The following WDR70 variants were observed in gnomAD, a reference collection of about 807,000 sequenced individuals.
WDR70 encodes the protein WD repeat-containing protein 70.
In WDR70, 53 loss-of-function variants were observed where a neutral mutation model predicts 88.6. That is an observed-to-expected ratio of 0.60 (90% CI 0.48 to 0.75). WDR70 has a LOEUF of 0.75. WDR70 is among the 30% of genes least tolerant of loss of function. WDR70 has a pLI of 0.00. For missense variants in WDR70, 610 were observed against 823.2 expected (o/e 0.74, Z 3.17); for synonymous variants, 280 against 270.0 (o/e 1.04, Z -0.36).
At chr5:37,680,081 T>A (rs796197008) in intron 10 of WDR70, among the ~76,000 whole-genome samples, 7 of 152,332 alleles carry the variant, frequency 4.6e-5, no homozygotes, top group African/African-American at 1.7e-4. Context: ...TTTTTAATTA[T>A]AGCCATTCTG....
intron 13 of WDR70, among the ~76,000 whole-genome samples, chr5:37,703,298 A>G (rs548585215): frequency 6.6e-6 from 1 of 152,270 alleles, no homozygotes; most frequent in South Asian, 2.1e-4. Flanking sequence ...ATGGACCTAC[A>G]CTTTAGTAGG....
chr5:37,582,440 T>TG (rs2112428440), intron 9 of WDR70, among the ~76,000 whole-genome samples: 1 of 152,334 alleles, frequency 6.6e-6, no homozygotes, highest in Admixed American at 6.5e-5. Context: ...TGCTTAGCAG[T>TG]GTCTGACCCA....
intron 10 of WDR70, among the ~76,000 whole-genome samples, chr5:37,690,245 C>T (rs1055501371): frequency 6.6e-6 from 1 of 152,286 alleles, no homozygotes; most frequent in East Asian, 1.9e-4. Flanking sequence ...ATTGGTGTAC[C>T]TGAAAGTGAT....
At chr5:37,557,929 T>TACTCTTTTGAATACTCTTCAAAAGAGA (rs2112365238) in intron 9 of WDR70, among the ~76,000 whole-genome samples, 4 of 151,670 alleles carry the variant, frequency 2.6e-5, no homozygotes, top group Admixed American at 6.6e-5. Context: ...TTCAAAAGAG[T>TACTCTTTTGAATACTCTTCAAAAGAGA]ACTCTTTTGA....
At chr5:37,652,616 T>C (rs1254779076) in intron 10 of WDR70, among the ~76,000 whole-genome samples, 2 of 152,200 alleles carry the variant, frequency 1.3e-5, no homozygotes, top group East Asian at 3.9e-4. Flanking sequence ...CTTATTTCAT[T>C]GAGCAGTGGT....
intron 10 of WDR70, among the ~76,000 whole-genome samples, chr5:37,638,879 A>T (rs1745038105): frequency 6.6e-6 from 1 of 152,190 alleles, no homozygotes; most frequent in African/African-American, 2.4e-5. Context: ...TTTCAAAAGC[A>T]AGACTACAAT....
chr5:37,752,609 G>T lies in WDR70; in HGVS notation c.*36G>T, dbSNP rs371710335. The T allele has an allele frequency of 1.5e-5, 23 of 1,489,976 alleles. No individual in the cohort carries two copies. In the African/African-American group the frequency reaches 3.1e-4, roughly 20 times the overall value. 92.3% of individuals were successfully genotyped at this position (1,489,976 alleles called of 1,614,324 possible). ...TTGAGAGCTGTTTGCATGAGTGGGA[G>T]GGGTATGGGACAGGTTTGGGTTTTT... is the stretch of plus-strand genomic sequence containing the variant. On this transcript the variant is annotated 3_prime_UTR_variant, in exon 18 of 18. Coordinates refer to ENST00000265107, the MANE Select transcript of WDR70 (RefSeq NM_018034.4).
chr5:37,721,533 C>T, intron 14 of WDR70: 1 of 272,858 alleles, frequency 3.7e-6, no homozygotes, highest in Non-Finnish European at 7.1e-6. Flanking sequence ...AGCAGTGATA[C>T]ATGTAAGAGA....
chr5:37,643,323 A>G (rs955911096), intron 10 of WDR70, among the ~76,000 whole-genome samples: 1 of 151,962 alleles, frequency 6.6e-6, no homozygotes, highest in African/African-American at 2.4e-5. Context: ...GGGGTTCACT[A>G]TTCCACTTCA....
chr5:37,559,858 A>T (rs1193011698), intron 9 of WDR70, among the ~76,000 whole-genome samples: 1 of 152,056 alleles, frequency 6.6e-6, no homozygotes, highest in Non-Finnish European at 1.5e-5. Context: ...AAAAAAAAAA[A>T]AACTTTTTGA....
intron 9 of WDR70, among the ~76,000 whole-genome samples, chr5:37,540,443 A>G (rs1434872838): frequency 1.4e-4 from 22 of 152,174 alleles, no homozygotes; most frequent in Admixed American, 1.4e-3. Context: ...GTGCAGTGGC[A>G]CAATCTCGGC....
At chr5:37,466,649 T>C (rs1294825948) in intron 7 of WDR70, among the ~76,000 whole-genome samples, 2 of 131,364 alleles carry the variant, frequency 1.5e-5, no homozygotes, top group East Asian at 4.5e-4. Flanking sequence ...GAGTTTGCAG[T>C]AAGCCGAGAT....
intron 10 of WDR70, among the ~76,000 whole-genome samples, chr5:37,654,902 A>G (rs1219316610): frequency 2.0e-5 from 3 of 152,094 alleles, no homozygotes; most frequent in Non-Finnish European, 4.4e-5. Flanking sequence ...TATTTATCCA[A>G]TTTGCCAGTC....
At chr5:37,569,711 A>G (rs1472213694) in intron 9 of WDR70, among the ~76,000 whole-genome samples, 1 of 152,244 alleles carries the variant, frequency 6.6e-6, no homozygotes, top group Non-Finnish European at 1.5e-5. Context: ...CTTACAGTCT[A>G]GGAAGATACT....
chr5:37,382,100 T>TG (rs371104074), intron 3 of WDR70, among the ~76,000 whole-genome samples: 20,569 of 144,918 alleles, frequency 0.14, 4,102 homozygotes, highest in African/African-American at 0.44. Context: ...TTATCACTGT[T>TG]GTTTTTTTTT....
intron 9 of WDR70, among the ~76,000 whole-genome samples, chr5:37,526,735 C>T (rs1741287986): frequency 6.6e-6 from 1 of 152,134 alleles, no homozygotes; most frequent in Admixed American, 6.5e-5. Flanking sequence ...TAGAAAACCC[C>T]ATCGTCTCAG....
At chr5:37,681,156 C>T (rs892898412) in intron 10 of WDR70, among the ~76,000 whole-genome samples, 1 of 152,000 alleles carries the variant, frequency 6.6e-6, no homozygotes, top group Non-Finnish European at 1.5e-5. Flanking sequence ...AGATCTTTCA[C>T]CTCACTGGTT....
At chr5:37,477,155 C>G (rs1321435931) in intron 7 of WDR70, among the ~76,000 whole-genome samples, 1 of 152,188 alleles carries the variant, frequency 6.6e-6, no homozygotes, top group East Asian at 1.9e-4. Context: ...TTCTCCCTTT[C>G]TGTTATTCTT....
intron 10 of WDR70, among the ~76,000 whole-genome samples, chr5:37,613,882 AG>A (rs1206822996): frequency 1.3e-5 from 2 of 152,190 alleles, no homozygotes; most frequent in African/African-American, 4.8e-5. Flanking sequence ...AGCGTAACTG[AG>A]GTTCAATCCC....
Sources: allele counts gnomAD v4.1 joint callset (sites outside exome capture counted in the v4.1 genomes callset), GRCh38; gene constraint gnomAD v4.1.1; transcripts MANE v1.5; gene names NCBI Gene and HGNC (gene_info 2026-07-23, HGNC 2026-07-21).